The following ANKRD17 variants were observed in gnomAD, a reference collection of about 807,000 sequenced individuals.
ANKRD17 encodes the protein ankyrin repeat domain 17, also known as ankyrin repeat domain-containing protein 17.
In ANKRD17, 19 loss-of-function variants were observed where a neutral mutation model predicts 229.7. The ratio of observed to expected loss-of-function variants is 0.08; its 90% CI spans 0.06 to 0.12. The LOEUF (loss-of-function observed/expected upper bound fraction) is 0.12, where lower values mean the gene tolerates loss of function less well. Among genes scored for constraint, ANKRD17 ranks in the 10% least tolerant of loss-of-function variants. The probability of loss-of-function intolerance (pLI) is 1.00; values close to 1 mark genes in which losing one functional copy is unlikely to be tolerated. For missense variants in ANKRD17, 2,176 were observed against 3,176.8 expected (o/e 0.68, Z 7.57); for synonymous variants, 1,112 against 1,146.1 (o/e 0.97, Z 0.60).
intron 3 of ANKRD17, among the ~76,000 whole-genome samples, chr4:73,160,309 C>A (rs1732346592): frequency 6.6e-6 from 1 of 151,320 alleles, no homozygotes; most frequent in Non-Finnish European, 1.5e-5. Flanking sequence ...ACCTCTGCCT[C>A]CCAGGTTCAA....
intron 1 of ANKRD17, among the ~76,000 whole-genome samples, chr4:73,195,601 C>T (rs538856572): frequency 3.3e-5 from 5 of 151,980 alleles, no homozygotes; most frequent in Admixed American, 6.6e-5. Flanking sequence ...CTCTGCCTCC[C>T]GGGTTCAAGC....
At chr4:73,258,165 C>A (rs559829291) in intron 1 of ANKRD17, 111 bp downstream of exon 1, 1 of 1,549,436 alleles carries the variant, frequency 6.5e-7, no homozygotes. Context: ...AAAGCCTGGC[C>A]CCTAAGAGAT....
chr4:73,228,479 C>A lies in ANKRD17; in HGVS notation c.393+29797G>T, dbSNP rs72663020. ...GTAATACATGTACATGGAAAGCATT[C>A]ACGGTTTAAGAGAAAAGCAAACCTA... On this transcript the variant is annotated intron_variant, in intron 1 of 33. Transcript: ENST00000358602. Among the ~76,000 whole-genome samples the A allele has an allele frequency of 4.5e-3, 689 of 152,196 alleles. 4 individuals are homozygous for A. The highest frequency in any genetic ancestry group is 7.5e-3 in the Non-Finnish European group (507 of 67,988).
chr4:73,254,309 A>G (rs987364162), intron 1 of ANKRD17, among the ~76,000 whole-genome samples: 9 of 152,126 alleles, frequency 5.9e-5, no homozygotes, highest in African/African-American at 2.2e-4. Context: ...GTACTAATTT[A>G]TTTACCGGCT....
At chr4:73,190,005 C>A (rs910214774) in intron 1 of ANKRD17, among the ~76,000 whole-genome samples, 1 of 152,110 alleles carries the variant, frequency 6.6e-6, no homozygotes, top group Non-Finnish European at 1.5e-5. Context: ...AACAAAAGTA[C>A]GTGATTAAAG....
chr4:73,243,453 T>C (rs1251336487), intron 1 of ANKRD17, among the ~76,000 whole-genome samples: 1 of 152,128 alleles, frequency 6.6e-6, no homozygotes, highest in Admixed American at 6.5e-5. Context: ...GGAGGTAGAA[T>C]GGACCTCTCC....
chr4:73,158,712 T>C (rs1732105168), intron 3 of ANKRD17, among the ~76,000 whole-genome samples: 1 of 152,262 alleles, frequency 6.6e-6, no homozygotes, highest in African/African-American at 2.4e-5. Flanking sequence ...AATCGGTTAA[T>C]CCATTCATGA....
chr4:73,142,526 G>C, intron 12 of ANKRD17, 114 bp downstream of exon 12: 1 of 1,583,194 alleles, frequency 6.3e-7, no homozygotes, highest in Non-Finnish European at 8.6e-7. Context: ...TGAAAAAGGA[G>C]AAAATTTACA....
In ANKRD17 at chr4:73,177,481, GTTTCCAGCATTGGAT is replaced by G; in HGVS notation, c.431_445del (p.Asn144_Glu148del). On this transcript the variant is annotated inframe_deletion, in exon 2 of 34. Coordinates refer to ENST00000358602, the MANE Select transcript of ANKRD17 (RefSeq NM_032217.5). ...ACCTGATAAGAGCAACTTGGAAGCT[GTTTCCAGCATTGGAT>G]TTTCCAAATCATCCTGATCCAAAAT... 6.2e-7 allele frequency: 1 copy of G among 1,613,626 alleles called. No individual in the cohort carries two copies. Among genetic ancestry groups the G allele is most frequent in the South Asian group, 1.1e-5 (1 of 91,042 alleles).
intron 24 of ANKRD17, among the ~76,000 whole-genome samples, chr4:73,106,253 A>T (rs1490904652): frequency 6.6e-6 from 1 of 152,124 alleles, no homozygotes; most frequent in Non-Finnish European, 1.5e-5. Context: ...CAAAAAAAAT[A>T]AATAAATAAA....
intron 7 of ANKRD17, among the ~76,000 whole-genome samples, chr4:73,151,054 T>C (rs1730941972): frequency 6.6e-6 from 1 of 151,794 alleles, no homozygotes; most frequent in Non-Finnish European, 1.5e-5. Context: ...AGAGAGGGGG[T>C]CTTGGTATGT....
chr4:73,078,901 G>A lies in ANKRD17; in HGVS notation c.7160-11C>T. 1 of 1,602,976 alleles carries A rather than the reference G, an allele frequency of 6.2e-7. No individual in the cohort carries two copies. The highest frequency in any genetic ancestry group is 1.7e-4 in the Middle Eastern group (1 of 6,002). ...ACTGTGCAGAAGAATCTAGAGAAGA[G>A]ATATTTTGAAATAAAATACAGGTCA... is the stretch of plus-strand genomic sequence containing the variant. On this transcript the variant is annotated splice_polypyrimidine_tract_variant and intron_variant, in intron 30 of 33. Coordinates refer to ENST00000358602, the MANE Select transcript of ANKRD17 (RefSeq NM_032217.5).
intron 1 of ANKRD17, among the ~76,000 whole-genome samples, chr4:73,244,921 C>T (rs1744355929): frequency 6.6e-6 from 1 of 152,106 alleles, no homozygotes; most frequent in African/African-American, 2.4e-5. Context: ...CTAAGAAAAG[C>T]AGTTAGAAAA....
intron 15 of ANKRD17, among the ~76,000 whole-genome samples, chr4:73,137,632 T>G (rs1255128409): frequency 6.6e-6 from 1 of 152,170 alleles, no homozygotes; most frequent in Non-Finnish European, 1.5e-5. Context: ...ATGCCTGTTG[T>G]CAGGGATGAG....
At chr4:73,113,292 G>C in intron 24 of ANKRD17, 1 of 1,289,288 alleles carries the variant, frequency 7.8e-7, no homozygotes. Flanking sequence ...GGAATAGATG[G>C]GAATGATGTT....
At chr4:73,190,771 T>G (rs1443857586) in intron 1 of ANKRD17, among the ~76,000 whole-genome samples, 1 of 150,438 alleles carries the variant, frequency 6.6e-6, no homozygotes, top group Non-Finnish European at 1.5e-5. Context: ...AAATAAAATG[T>G]AAAATGGAAG....
At position 73,222,898 on chromosome 4, in the gene ANKRD17, C is replaced by T. The variant is rs1372047117; in HGVS notation, c.393+35378G>A. 9.2e-6 allele frequency: 11 copies of T among 1,190,122 alleles called. No individual in the cohort carries two copies. In the East Asian group the frequency reaches 2.8e-4, roughly 30 times the overall value. The allele number at this position is 1,190,122 out of a possible 1,614,324, so 73.7% of individuals were successfully genotyped here. On this transcript the variant is annotated intron_variant, in intron 1 of 33. Coordinates refer to ENST00000358602, the MANE Select transcript of ANKRD17 (RefSeq NM_032217.5). ...TTGCTCTCTCCTCTAATCTATTCAT[C>T]TGTAAAATAATTCCGGCAGATAAGA... is the stretch of plus-strand genomic sequence containing the variant.
At chr4:73,240,965 C>T (rs548689279) in intron 1 of ANKRD17, among the ~76,000 whole-genome samples, 1 of 151,846 alleles carries the variant, frequency 6.6e-6, no homozygotes, top group Non-Finnish European at 1.5e-5. Context: ...CATGCCACCA[C>T]ACCCAGCTAA....
At chr4:73,199,963 T>C (rs934559842) in intron 1 of ANKRD17, among the ~76,000 whole-genome samples, 4 of 152,228 alleles carry the variant, frequency 2.6e-5, no homozygotes, top group Admixed American at 6.5e-5. Flanking sequence ...TTCATGTGAA[T>C]TCTGTTTTAC....
Sources: allele counts gnomAD v4.1 joint callset (sites outside exome capture counted in the v4.1 genomes callset), GRCh38; gene constraint gnomAD v4.1.1; transcripts MANE v1.5; gene names NCBI Gene and HGNC (gene_info 2026-07-23, HGNC 2026-07-21).